The following GMDS variants were observed in gnomAD, a reference collection of about 807,000 sequenced individuals.
GMDS encodes GDP-mannose 4,6-dehydratase.
Under a neutral mutation model 49.9 loss-of-function variants are expected in GMDS, and 20 were observed. The observed-to-expected ratio is 0.40, with a 90% confidence interval of 0.28 to 0.58. GMDS has a LOEUF of 0.58. Among genes scored for constraint, GMDS ranks in the 20% least tolerant of loss-of-function variants. The pLI, the probability that GMDS is intolerant of heterozygous loss-of-function variation, is 0.42. For synonymous variants in GMDS, 177 were observed against 178.6 expected (o/e 0.99, Z 0.07); for missense variants, 362 against 481.4 (o/e 0.75, Z 2.32).
intron 4 of GMDS, among the ~76,000 whole-genome samples, chr6:2,065,458 G>A (rs1448450414): frequency 1.3e-5 from 2 of 152,158 alleles, no homozygotes; most frequent in African/African-American, 2.4e-5. Context: ...GGCTTCAGAC[G>A]ATCAAATTAC....
intron 6 of GMDS, among the ~76,000 whole-genome samples, chr6:1,945,118 T>A (rs1763017367): frequency 6.6e-6 from 1 of 152,124 alleles, no homozygotes; most frequent in Non-Finnish European, 1.5e-5. Context: ...TGTGTGCCAG[T>A]CAGAAAACAC....
At chr6:2,178,744 A>G (rs1778394119) in intron 1 of GMDS, among the ~76,000 whole-genome samples, 1 of 152,258 alleles carries the variant, frequency 6.6e-6, no homozygotes. Context: ...ATCAAGAAAC[A>G]TAGCTGGCAT....
intron 9 of GMDS, among the ~76,000 whole-genome samples, chr6:1,657,569 T>A (rs1055204480): frequency 3.3e-5 from 5 of 152,226 alleles, no homozygotes; most frequent in African/African-American, 1.2e-4. Flanking sequence ...CCCTCCATTG[T>A]TAAAGACAGA....
intron 6 of GMDS, among the ~76,000 whole-genome samples, chr6:1,944,669 CAAAAAA>C (rs56229524): frequency 1.3e-3 from 134 of 101,106 alleles, no homozygotes; most frequent in Non-Finnish European, 1.7e-3. Context: ...GACTCCGTCT[CAAAAAA>C]AAAAAAAAAA....
intron 1 of GMDS, among the ~76,000 whole-genome samples, chr6:2,182,904 C>T (rs917127597): frequency 3.9e-5 from 6 of 152,126 alleles, no homozygotes; most frequent in East Asian, 1.9e-4. Flanking sequence ...GACAGGGTTT[C>T]GCCATGTTCC....
chr6:2,230,278 A>G (rs1781026751), intron 1 of GMDS, among the ~76,000 whole-genome samples: 1 of 152,256 alleles, frequency 6.6e-6, no homozygotes, highest in Non-Finnish European at 1.5e-5. Context: ...TGCTTTTATT[A>G]GCTACGTATA....
At chr6:2,011,788 C>T (rs1263299372) in intron 4 of GMDS, among the ~76,000 whole-genome samples, 1 of 152,084 alleles carries the variant, frequency 6.6e-6, no homozygotes, top group Admixed American at 6.6e-5. Flanking sequence ...TAAGCGTGGT[C>T]GCGCATTACC....
chr6:1,655,803 C>T (rs1374366970), intron 9 of GMDS, among the ~76,000 whole-genome samples: 1 of 152,234 alleles, frequency 6.6e-6, no homozygotes, highest in East Asian at 1.9e-4. Flanking sequence ...CCGCGCCTGG[C>T]TGTCTTTAAC....
chr6:1,694,681 T>C (rs974711018), intron 9 of GMDS, among the ~76,000 whole-genome samples: 42 of 152,148 alleles, frequency 2.8e-4, no homozygotes, highest in Non-Finnish European at 4.4e-4. Context: ...GAGGTGGAAA[T>C]AGGATAAATG....
At chr6:1,817,157 G>A in intron 7 of GMDS, among the ~76,000 whole-genome samples, 1 of 150,676 alleles carries the variant, frequency 6.6e-6, no homozygotes, top group Non-Finnish European at 1.5e-5. Flanking sequence ...AGATGCTACT[G>A]ATAGATTGCA....
chr6:1,794,575 G>T (rs1313079568), intron 7 of GMDS, among the ~76,000 whole-genome samples: 1 of 152,178 alleles, frequency 6.6e-6, no homozygotes, highest in Non-Finnish European at 1.5e-5. Flanking sequence ...GCCTCAGTTT[G>T]ACTTCATAAC....
intron 1 of GMDS, among the ~76,000 whole-genome samples, chr6:2,235,291 A>G (rs1247453414): frequency 6.6e-6 from 1 of 152,192 alleles, no homozygotes; most frequent in Non-Finnish European, 1.5e-5. Context: ...GCCAACTGAG[A>G]CTAATCTATC....
intron 4 of GMDS, among the ~76,000 whole-genome samples, chr6:1,996,935 C>A (rs183993699): frequency 1.3e-5 from 2 of 152,086 alleles, no homozygotes; most frequent in South Asian, 2.1e-4. Flanking sequence ...GGAGTAAGAC[C>A]CTAGTCTTTT....
At chr6:1,664,512 C>G (rs1029089225) in intron 9 of GMDS, among the ~76,000 whole-genome samples, 2 of 152,210 alleles carry the variant, frequency 1.3e-5, no homozygotes, top group African/African-American at 2.4e-5. Context: ...GTCCTGTTCT[C>G]CCTAGAGTCC....
intron 7 of GMDS, among the ~76,000 whole-genome samples, chr6:1,888,732 C>T: frequency 6.6e-6 from 1 of 152,110 alleles, no homozygotes; most frequent in East Asian, 1.9e-4. Flanking sequence ...CAAGGCAAGT[C>T]CCTTCTGCCT....
At chr6:2,127,631 G>A (rs902884630) in intron 1 of GMDS, among the ~76,000 whole-genome samples, 1 of 152,200 alleles carries the variant, frequency 6.6e-6, no homozygotes. Flanking sequence ...CAGGCCTCTC[G>A]AGTGATAGGG....
At chr6:1,667,055 G>A (rs1764259732) in intron 9 of GMDS, among the ~76,000 whole-genome samples, 1 of 152,244 alleles carries the variant, frequency 6.6e-6, no homozygotes, top group Non-Finnish European at 1.5e-5. Flanking sequence ...AGACACACAT[G>A]AGCCTAGAGC....
intron 4 of GMDS, among the ~76,000 whole-genome samples, chr6:2,101,143 T>C (rs1452859827): frequency 1.3e-5 from 2 of 151,848 alleles, no homozygotes; most frequent in Non-Finnish European, 1.5e-5. Context: ...TTATGTTACA[T>C]TATAAAAAAC....
chr6:1,835,337 A>C (rs1369380935), intron 7 of GMDS, among the ~76,000 whole-genome samples: 1 of 152,176 alleles, frequency 6.6e-6, no homozygotes, highest in Admixed American at 6.5e-5. Flanking sequence ...TGTCTCTAGA[A>C]GAGTGGAAGG....
Sources: gnomAD v4.1 joint callset for allele counts (sites outside exome capture counted in the v4.1 genomes callset) on GRCh38, gnomAD v4.1.1 for gene constraint, MANE v1.5 for transcripts, NCBI Gene and HGNC (gene_info 2026-07-23, HGNC 2026-07-21) for gene names.